Variants in CES1 observed in about 807,000 individuals in gnomAD.
The protein encoded by CES1 is liver carboxylesterase 1.
CES1 carries 50 observed loss-of-function variants against 53.0 expected under a neutral mutation model. That is an observed-to-expected ratio of 0.94 (90% CI 0.75 to 1.19). CES1 has a LOEUF of 1.19. Among genes scored for constraint, CES1 ranks in the 50% most tolerant of loss-of-function variants. The probability of loss-of-function intolerance (pLI) is 0.00; values close to 1 mark genes in which losing one functional copy is unlikely to be tolerated. For synonymous variants in CES1, 202 were observed against 210.1 expected (o/e 0.96, Z 0.33); for missense variants, 534 against 538.0 (o/e 0.99, Z 0.07).
intron 8 of CES1, among the ~76,000 whole-genome samples, chr16:55,816,152 C>T (rs2031935222): frequency 6.6e-6 from 1 of 152,406 alleles, no homozygotes; most frequent in African/African-American, 2.4e-5. Flanking sequence ...AACTCTATCC[C>T]CTAATGCTGC....
Position 55,821,041 on chromosome 16 carries a change from C to T in CES1, c.693+327G>A, listed in dbSNP as rs532746462. 3.3e-5 allele frequency among the ~76,000 whole-genome samples: 5 copies of T among 150,324 alleles called. No homozygotes were observed. The South Asian group carries it at 8.4e-4, about 25-fold the overall frequency. Reference sequence around the variant, plus strand: ...CTTCCCAAGAGAAGGGATGTGAGTCCTTATGTTAAAATGAGTGTGAAGGAG... The same window carrying T: ...CTTCCCAAGAGAAGGGATGTGAGTCTTTATGTTAAAATGAGTGTGAAGGAG... On this transcript the variant is annotated intron_variant, in intron 5 of 13. Coordinates refer to ENST00000360526, the MANE Select transcript of CES1 (RefSeq NM_001025195.2).
chr16:55,819,727 A>C, intron 6 of CES1, 88 bp from the exon 7 acceptor site: 1 of 1,117,124 alleles, frequency 9.0e-7, no homozygotes, highest in African/African-American at 1.6e-5. Flanking sequence ...CCCAAGCCCA[A>C]CTTGTACTAG....
At chr16:55,812,492 G>T (rs2031741933) in intron 9 of CES1, 2 of 294,282 alleles carry the variant, frequency 6.8e-6, no homozygotes, top group South Asian at 7.3e-5. Flanking sequence ...ATGAGGTGAT[G>T]AAGAGCATGA....
At chr16:55,827,277 C>CAATAACAATAAT (rs1555513627) in intron 2 of CES1, among the ~76,000 whole-genome samples, 1 of 143,796 alleles carries the variant, frequency 7.0e-6, no homozygotes, top group African/African-American at 2.6e-5. Context: ...AGAGGAATAA[C>CAATAACAATAAT]AATAATAATA....
chr16:55,830,680 G>C (rs2032604436), intron 1 of CES1, among the ~76,000 whole-genome samples: 1 of 151,828 alleles, frequency 6.6e-6, no homozygotes, highest in Non-Finnish European at 1.5e-5. Flanking sequence ...GCATGTGCCT[G>C]TAATCCTGGC....
In CES1 at chr16:55,814,015, A is replaced by C. The variant is rs528790758; in HGVS notation, c.946-972T>G. ...CAGTATTGATTTGGGGGTTATAAGG[A>C]CATTTTAGCAAGCAGGTGAATTTAT... On this transcript the variant is annotated intron_variant, in intron 8 of 13. Transcript: ENST00000360526. Among the ~76,000 whole-genome samples, 4 of 152,326 alleles carry C rather than the reference A, an allele frequency of 2.6e-5. No homozygotes were observed. The East Asian group carries it at 7.7e-4, about 29-fold the overall frequency.
intron 11 of CES1, among the ~76,000 whole-genome samples, chr16:55,808,365 A>G (rs1401085367): frequency 6.6e-6 from 1 of 152,190 alleles, no homozygotes; most frequent in African/African-American, 2.4e-5. Context: ...GGTAATGACA[A>G]TTAGACATAA....
chr16:55,818,123 C>G (rs563131510), intron 7 of CES1, among the ~76,000 whole-genome samples: 73 of 152,302 alleles, frequency 4.8e-4, no homozygotes, highest in Admixed American at 1.2e-3. Context: ...GGAGTAGCCT[C>G]AGGTCCAAGG....
chr16:55,829,473 T>G (rs1272016743), intron 1 of CES1, among the ~76,000 whole-genome samples: 2 of 152,268 alleles, frequency 1.3e-5, no homozygotes, highest in Non-Finnish European at 2.9e-5. Context: ...GGCAAGGCCT[T>G]CTGATTGCGG....
At chr16:55,824,053 C>A (rs1474582184) in intron 3 of CES1, among the ~76,000 whole-genome samples, 1 of 152,368 alleles carries the variant, frequency 6.6e-6, no homozygotes, top group South Asian at 2.1e-4. Flanking sequence ...CTCAGCGTAC[C>A]CATGGGGCAG....
intron 1 of CES1, among the ~76,000 whole-genome samples, chr16:55,831,934 C>G (rs1170161953): frequency 2.6e-5 from 4 of 151,978 alleles, no homozygotes; most frequent in Admixed American, 6.6e-5. Context: ...CTCTATGTAC[C>G]ATGTGTTTTG....
intron 3 of CES1, among the ~76,000 whole-genome samples, chr16:55,824,381 GGAA>G (rs2032337652): frequency 6.6e-6 from 1 of 152,210 alleles, no homozygotes; most frequent in African/African-American, 2.4e-5. Context: ...CACATAGTGG[GGAA>G]GAAGTGAGAG....
At position 55,829,057 on chromosome 16, in the gene CES1, G is replaced by T. The variant is rs572705183; in HGVS notation, c.53-83C>A. The T allele has an allele frequency of 4.8e-6, 7 of 1,452,382 alleles. No individual in the cohort carries two copies. The African/African-American group carries it at 1.0e-4, about 21-fold the overall frequency. The allele number at this position is 1,452,382 out of a possible 1,614,324, so 90.0% of individuals were successfully genotyped here. A position where few individuals can be genotyped will look rare whatever the true frequency, so the allele number is the denominator to read the frequency against. On this transcript the variant is annotated intron_variant, in intron 1 of 13. Coordinates refer to ENST00000360526, the MANE Select transcript of CES1 (RefSeq NM_001025195.2). ...AGGTGGAGTTTGCCGCTTTCTAAGT[G>T]AGTGACCTTAAATAAGTCACCTAAA...
chr16:55,826,351 T>C, intron 2 of CES1, 56 bp from the exon 3 acceptor site: 1 of 1,605,908 alleles, frequency 6.2e-7, no homozygotes, highest in Non-Finnish European at 8.5e-7. Context: ...GCGAGGTGTT[T>C]TCTACGGCAG....
At chr16:55,821,074 A>AAGAGAC (rs1555512900) in intron 5 of CES1, among the ~76,000 whole-genome samples, 1 of 149,732 alleles carries the variant, frequency 6.7e-6, no homozygotes. Flanking sequence ...GAGAGAGAGA[A>AAGAGAC]AGAGAGAGAG....
intron 8 of CES1, among the ~76,000 whole-genome samples, chr16:55,816,689 C>T (rs1444151973): frequency 6.6e-6 from 1 of 152,144 alleles, no homozygotes; most frequent in African/African-American, 2.4e-5. Context: ...GCCCAGGGCA[C>T]ACAGAGGTGA....
At chr16:55,831,031 G>A (rs145841683) in intron 1 of CES1, among the ~76,000 whole-genome samples, 99 of 152,298 alleles carry the variant, frequency 6.5e-4, no homozygotes, top group African/African-American at 2.3e-3. Context: ...GCCACAGGAT[G>A]AGCGCACTTC....
chr16:55,812,357 G>A (rs1356159101), intron 9 of CES1: 2 of 184,552 alleles, frequency 1.1e-5, no homozygotes, highest in South Asian at 1.1e-4. Flanking sequence ...CATAGCACCC[G>A]ATTAGGTAGC....
intron 11 of CES1, among the ~76,000 whole-genome samples, chr16:55,809,367 G>A (rs866748061): frequency 6.6e-6 from 1 of 152,194 alleles, no homozygotes; most frequent in Non-Finnish European, 1.5e-5. Flanking sequence ...CTAGTTAAGC[G>A]TTAGCTAGTT....
Sources: gnomAD v4.1 joint callset for allele counts (sites outside exome capture counted in the v4.1 genomes callset) on GRCh38, gnomAD v4.1.1 for gene constraint, MANE v1.5 for transcripts, NCBI Gene and HGNC (gene_info 2026-07-23, HGNC 2026-07-21) for gene names.